The following ADAM22 variants were observed in gnomAD, a reference collection of about 807,000 sequenced individuals.
The protein encoded by ADAM22 is disintegrin and metalloproteinase domain-containing protein 22.
In ADAM22, 65 loss-of-function variants were observed where a neutral mutation model predicts 144.6. The observed-to-expected ratio is 0.45, with a 90% CI of 0.37 to 0.55. ADAM22 has a LOEUF of 0.55. ADAM22 is among the 20% of genes least tolerant of loss of function. ADAM22 has a pLI of 0.00. For missense variants in ADAM22, 974 were observed against 1,184.9 expected, an observed-to-expected ratio of 0.82 and a Z score of 2.61; for synonymous variants, 391 against 412.6, an observed-to-expected ratio of 0.95 and a Z score of 0.63.
At chr7:88,115,892 A>G (rs932104969) in intron 6 of ADAM22, among the ~76,000 whole-genome samples, 2 of 152,244 alleles carry the variant, frequency 1.3e-5, no homozygotes, top group African/African-American at 4.8e-5. Context: ...AATTAGAAGA[A>G]GTTGAATTAA....
chr7:88,127,552 A>G (rs1172971779), intron 8 of ADAM22, among the ~76,000 whole-genome samples: 1 of 151,560 alleles, frequency 6.6e-6, no homozygotes, highest in African/African-American at 2.4e-5. Flanking sequence ...TCAGAATTGT[A>G]TCTATTATTC....
intron 3 of ADAM22, among the ~76,000 whole-genome samples, chr7:87,982,962 A>T (rs1854052454): frequency 6.6e-6 from 1 of 151,644 alleles, no homozygotes; most frequent in Non-Finnish European, 1.5e-5. Context: ...AAGTGCTGGG[A>T]TTACAAGTAT....
At chr7:88,055,457 A>T (rs1252228248) in intron 3 of ADAM22, among the ~76,000 whole-genome samples, 1 of 151,926 alleles carries the variant, frequency 6.6e-6, no homozygotes, top group Non-Finnish European at 1.5e-5. Context: ...TGATGCTCTT[A>T]GTGCTCCCAT....
In ADAM22 at chr7:88,189,171, G is replaced by A. The variant is rs553543870; in HGVS notation, c.2750+2470G>A. Among the ~76,000 whole-genome samples the A allele has an allele frequency of 2.1e-4, 32 of 152,274 alleles. No homozygotes were observed. The East Asian group carries it at 6.2e-3, about 29-fold the overall frequency. Reference sequence around the variant, plus strand: ...CGATATGATGGTGGTTGCTCAGGTTGTCCTCTGCATGAATTCAGGCCACCA... The same window carrying A: ...CGATATGATGGTGGTTGCTCAGGTTATCCTCTGCATGAATTCAGGCCACCA... On this transcript the variant is annotated intron_variant, in intron 30 of 31. Coordinates refer to ENST00000413139, the MANE Select transcript of ADAM22 (RefSeq NM_001324418.2).
intron 9 of ADAM22, among the ~76,000 whole-genome samples, chr7:88,130,152 A>G (rs1171561753): frequency 2.0e-5 from 3 of 152,092 alleles, no homozygotes; most frequent in Non-Finnish European, 4.4e-5. Flanking sequence ...CATCTCCCAG[A>G]TGAATAAATT....
chr7:88,040,829 G>A (rs1002243345), intron 3 of ADAM22, among the ~76,000 whole-genome samples: 3 of 151,896 alleles, frequency 2.0e-5, no homozygotes, highest in Admixed American at 2.0e-4. Flanking sequence ...AGGTTTGGGG[G>A]TTTTCTCAGA....
intron 4 of ADAM22, among the ~76,000 whole-genome samples, chr7:88,080,344 G>A (rs576248493): frequency 1.8e-4 from 27 of 152,040 alleles, no homozygotes; most frequent in Non-Finnish European, 3.4e-4. Context: ...CACATTCAAA[G>A]CAGTGTGTAG....
rs137960590 is a variant in ADAM22 at position 88,136,214 on chromosome 7, T to A, written c.1220+183T>A. Among the ~76,000 whole-genome samples, 378 of 152,340 alleles carry A rather than the reference T, an allele frequency of 2.5e-3. 2 individuals are homozygous for A. The highest frequency in any genetic ancestry group is 8.7e-3 in the African/African-American group (362 of 41,582). On this transcript the variant is annotated intron_variant, in intron 14 of 31. Transcript: ENST00000413139. The stretch of plus-strand genomic sequence containing the variant: ...ATTAAGTTGGTAGACCTCAAAGATT[T>A]TTTTTTCTTTAGCCTTACATCTAGG...
At chr7:87,959,091 A>C (rs1429950819) in intron 2 of ADAM22, among the ~76,000 whole-genome samples, 2 of 152,154 alleles carry the variant, frequency 1.3e-5, no homozygotes, top group Non-Finnish European at 2.9e-5. Context: ...TCACAAAATA[A>C]ATCTCAAATG....
chr7:88,000,878 A>C (rs1192160759), intron 3 of ADAM22, among the ~76,000 whole-genome samples: 6 of 152,178 alleles, frequency 3.9e-5, no homozygotes, highest in Admixed American at 2.6e-4. Flanking sequence ...GACTAAGAGG[A>C]GAGAACTAGG....
At chr7:88,012,589 C>T (rs1795681504) in intron 3 of ADAM22, among the ~76,000 whole-genome samples, 1 of 152,150 alleles carries the variant, frequency 6.6e-6, no homozygotes, top group African/African-American at 2.4e-5. Flanking sequence ...TTTGTGAAAA[C>T]CTAAGACCTT....
intron 2 of ADAM22, among the ~76,000 whole-genome samples, chr7:87,946,730 A>G (rs1843760568): frequency 6.6e-6 from 1 of 152,178 alleles, no homozygotes; most frequent in Non-Finnish European, 1.5e-5. Context: ...AAGAAAATAA[A>G]TCATTCTACC....
intron 12 of ADAM22, among the ~76,000 whole-genome samples, chr7:88,133,362 C>CTAAA (rs3085472): frequency 0.093 from 13,159 of 142,108 alleles, 792 homozygotes; most frequent in African/African-American, 0.17. Context: ...GACCCTGTCT[C>CTAAA]TAAATAAATA....
At chr7:88,177,638 A>G (rs903568590) in intron 26 of ADAM22, among the ~76,000 whole-genome samples, 1 of 152,216 alleles carries the variant, frequency 6.6e-6, no homozygotes, top group African/African-American at 2.4e-5. Flanking sequence ...AAAATCTTTC[A>G]GATTCACAGA....
At chr7:88,002,836 C>A (rs750559893) in intron 3 of ADAM22, among the ~76,000 whole-genome samples, 5 of 152,062 alleles carry the variant, frequency 3.3e-5, no homozygotes, top group Non-Finnish European at 7.4e-5. Flanking sequence ...TGATCCTGAC[C>A]CAAGACATAA....
At chr7:88,168,077 TA>T in intron 24 of ADAM22, 59 bp from the exon 25 acceptor site, 1 of 1,437,030 alleles carries the variant, frequency 7.0e-7, no homozygotes, top group Non-Finnish European at 9.7e-7. Context: ...AACTGAACAA[TA>T]AAGTTTCTGA....
At chr7:88,116,442 A>G (rs1441416658) in intron 6 of ADAM22, among the ~76,000 whole-genome samples, 5 of 152,196 alleles carry the variant, frequency 3.3e-5, no homozygotes, top group Non-Finnish European at 7.4e-5. Context: ...TAATAAAAAA[A>G]CATTAAGTCA....
chr7:88,182,314 A>G (rs960260685), intron 29 of ADAM22, among the ~76,000 whole-genome samples: 1 of 152,126 alleles, frequency 6.6e-6, no homozygotes, highest in African/African-American at 2.4e-5. Context: ...AGGGAATTTG[A>G]TAACATTCCT....
intron 4 of ADAM22, among the ~76,000 whole-genome samples, chr7:88,093,504 GT>G (rs1193832051): frequency 2.0e-5 from 3 of 151,942 alleles, no homozygotes; most frequent in Non-Finnish European, 4.4e-5. Flanking sequence ...TACATTTGAT[GT>G]TTTTTGTTTT....
Sources: allele counts gnomAD v4.1 joint callset (sites outside exome capture counted in the v4.1 genomes callset), GRCh38; gene constraint gnomAD v4.1.1; transcripts MANE v1.5; gene names NCBI Gene and HGNC (gene_info 2026-07-23, HGNC 2026-07-21).